The following WNT9B variants were observed in gnomAD, a reference collection of about 807,000 sequenced individuals.
WNT9B encodes protein Wnt-9b.
Under a neutral mutation model 30.2 loss-of-function variants are expected in WNT9B, and 12 were observed. That is an observed-to-expected ratio of 0.40 (90% CI 0.26 to 0.64). WNT9B has a LOEUF of 0.64. Among genes scored for constraint, WNT9B ranks in the 30% least tolerant of loss-of-function variants. The pLI, the probability that WNT9B is intolerant of heterozygous loss-of-function variation, is 0.42. For missense variants in WNT9B, 442 were observed against 485.2 expected (o/e 0.91, Z 0.84); for synonymous variants, 218 against 216.9 (o/e 1.01, Z -0.05).
chr17:46,838,285 G>A lies in WNT9B; in HGVS notation c.95+4845G>A, dbSNP rs114370581. On this transcript the variant is annotated intron_variant, in intron 1 of 2. Coordinates refer to the WNT9B transcript ENST00000575372. ...AGGAGAAGTGAGGAACAGCCGAGTG[G>A]GTCAGTGGATCAGAAGAGATAGAAC... is the stretch of plus-strand genomic sequence containing the variant. Among the ~76,000 whole-genome samples the A allele has an allele frequency of 4.3e-3, 650 of 151,504 alleles. 6 individuals are homozygous for A. Among genetic ancestry groups the A allele is most frequent in the African/African-American group, 0.015 (626 of 41,268 alleles).
chr17:46,874,045 G>T (rs925073971), intron 2 of WNT9B, among the ~76,000 whole-genome samples: 2 of 151,702 alleles, frequency 1.3e-5, no homozygotes, highest in Non-Finnish European at 2.9e-5. Context: ...GCCCCTCCTA[G>T]GCCAGCTGCT....
At chr17:46,871,465 G>C (rs989529394) in intron 1 of WNT9B, among the ~76,000 whole-genome samples, 1 of 152,148 alleles carries the variant, frequency 6.6e-6, no homozygotes, top group Admixed American at 6.5e-5. Context: ...TAAATCCTTT[G>C]TTTCCTCATC....
chr17:46,848,474 G>A (rs1237962603), upstream of WNT9B, among the ~76,000 whole-genome samples: 1 of 152,216 alleles, frequency 6.6e-6, no homozygotes, highest in Non-Finnish European at 1.5e-5. Flanking sequence ...AGGGAAGGTG[G>A]CAGAGCAACA....
chr17:46,849,452 G>C (rs4968278), upstream of WNT9B, among the ~76,000 whole-genome samples: 29,926 of 152,172 alleles, frequency 0.2, 3,624 homozygotes, highest in East Asian at 0.51. Flanking sequence ...TGCCTAGGGG[G>C]TGTGGCTGGG....
At chr17:46,873,879 C>T (rs1292467104) in intron 2 of WNT9B, among the ~76,000 whole-genome samples, 1 of 151,458 alleles carries the variant, frequency 6.6e-6, no homozygotes, top group East Asian at 1.9e-4. Context: ...ATCCCAGCTA[C>T]TTGGGAGGCT....
intron 1 of WNT9B, among the ~76,000 whole-genome samples, chr17:46,844,783 A>G (rs117590576): frequency 1.3e-5 from 2 of 151,802 alleles, no homozygotes; most frequent in Non-Finnish European, 2.9e-5. Flanking sequence ...AGTCCCTAAG[A>G]AAGTTGTTTT....
At chr17:46,859,771 A>T (rs1254574250) in intron 1 of WNT9B, among the ~76,000 whole-genome samples, 1 of 152,194 alleles carries the variant, frequency 6.6e-6, no homozygotes, top group Admixed American at 6.5e-5. Flanking sequence ...GAATCTATAC[A>T]TCAGTTCATG....
chr17:46,843,412 C>T (rs1057220726), intron 1 of WNT9B, among the ~76,000 whole-genome samples: 6 of 152,000 alleles, frequency 3.9e-5, no homozygotes, highest in African/African-American at 1.2e-4. Flanking sequence ...CTATTCCATT[C>T]GTTAAAGTGA....
At chr17:46,846,119 C>A (rs549474448) in intron 1 of WNT9B, among the ~76,000 whole-genome samples, 1 of 152,254 alleles carries the variant, frequency 6.6e-6, no homozygotes, top group East Asian at 1.9e-4. Flanking sequence ...AGTTCTCCTC[C>A]AGGTCACTAC....
chr17:46,865,216 A>T (rs2085111757), intron 1 of WNT9B, among the ~76,000 whole-genome samples: 1 of 152,198 alleles, frequency 6.6e-6, no homozygotes, highest in Admixed American at 6.5e-5. Flanking sequence ...GCCACACTCT[A>T]AATGCCGGGG....
chr17:46,874,471 T>A lies in WNT9B; in HGVS notation c.335-630T>A, dbSNP rs554456125. ...AGTAGCTTCTCTTTGCATCTCAGTG[T>A]TCTTCTCTGAGAGGTGAAGGCCGTA... On this transcript the variant is annotated intron_variant, in intron 2 of 3. Coordinates refer to ENST00000290015, the MANE Select transcript of WNT9B (RefSeq NM_003396.3). Among the ~76,000 whole-genome samples the A allele has an allele frequency of 2.0e-4, 30 of 152,342 alleles. 1 individual carries two copies. In the South Asian group the frequency reaches 6.2e-3, roughly 32 times the overall value.
intron 1 of WNT9B, among the ~76,000 whole-genome samples, chr17:46,843,901 C>A (rs1175025348): frequency 1.3e-5 from 2 of 152,182 alleles, no homozygotes; most frequent in Non-Finnish European, 1.5e-5. Context: ...GGTTTAGCAC[C>A]AGATGCTTAT....
chr17:46,833,317 C>T, exon 1 of WNT9B: 1 of 512,654 alleles, frequency 2.0e-6, no homozygotes, highest in Non-Finnish European at 3.9e-6. Flanking sequence ...AAGCAAGCTG[C>T]AATTTCTGTT....
Position 46,876,438 on chromosome 17 carries a change from C to A in WNT9B, c.794C>A (p.Ala265Asp). The change falls in exon 4 of 4, where the codon GCC becomes GAC. Residue 265 changes from alanine (A) to aspartate (D), a missense_variant. Ala to Asp is a moderately radical substitution (Grantham distance 126). Coordinates refer to ENST00000290015, the MANE Select transcript of WNT9B (RefSeq NM_003396.3). The part of the protein sequence containing the change: ...ALGRLELWAP[A>D]RQGSLTKGLA... ...GGCCGCCTAGAGCTGTGGGCCCCTGCCAGGCAGGGCAGCCTCACCAAAGGC... is the reference window on the plus strand; with the variant it reads ...GGCCGCCTAGAGCTGTGGGCCCCTGACAGGCAGGGCAGCCTCACCAAAGGC... The A allele has an allele frequency of 6.2e-7, 1 of 1,613,742 alleles. No homozygotes were observed. The highest frequency in any genetic ancestry group is 1.3e-5 in the African/African-American group (1 of 75,074).
chr17:46,864,138 C>T (rs924445246), intron 1 of WNT9B, among the ~76,000 whole-genome samples: 4 of 152,186 alleles, frequency 2.6e-5, no homozygotes, highest in African/African-American at 7.2e-5. Flanking sequence ...AGAGGGTGAT[C>T]GGAGCCCAGG....
intron 1 of WNT9B, among the ~76,000 whole-genome samples, chr17:46,865,749 G>C (rs574063676): frequency 6.6e-6 from 1 of 152,196 alleles, no homozygotes; most frequent in Admixed American, 6.5e-5. Flanking sequence ...GGAACCACAG[G>C]CACGTGCCAC....
chr17:46,883,565 G>C (rs145628907), downstream of WNT9B, among the ~76,000 whole-genome samples: 3 of 152,194 alleles, frequency 2.0e-5, no homozygotes, highest in Non-Finnish European at 4.4e-5. Flanking sequence ...GATTACAGGC[G>C]TGAGCCACTG....
chr17:46,835,535 T>C (rs9894638), intron 1 of WNT9B, among the ~76,000 whole-genome samples: 44,653 of 152,042 alleles, frequency 0.29, 7,270 homozygotes, highest in East Asian at 0.45. Context: ...CTTAATGAGG[T>C]GACCATGAGT....
In WNT9B at chr17:46,877,640, G is replaced by T. The variant is rs946813313; in HGVS notation, c.*922G>T. Among the ~76,000 whole-genome samples the T allele has an allele frequency of 6.6e-6, 1 of 152,320 alleles. No homozygotes were observed. Among genetic ancestry groups the T allele is most frequent in the South Asian group, 2.1e-4 (1 of 4,820 alleles). On this transcript the variant is annotated 3_prime_UTR_variant, in exon 4 of 4. Coordinates refer to ENST00000290015, the MANE Select transcript of WNT9B (RefSeq NM_003396.3). ...TCCTGGTGCCTGGCAGTGACGTGGC[G>T]AGCTCAGTTTCTCAGCTGGCTCTTG... is the stretch of plus-strand genomic sequence containing the variant.
Sources: allele counts gnomAD v4.1 joint callset (sites outside exome capture counted in the v4.1 genomes callset), GRCh38; gene constraint gnomAD v4.1.1; transcripts MANE v1.5; gene names NCBI Gene and HGNC (gene_info 2026-07-23, HGNC 2026-07-21).